DMRT1: variants seen among roughly 807,000 people sequenced by gnomAD.
The protein encoded by DMRT1 is doublesex and mab-3 related transcription factor 1, also known as doublesex- and mab-3-related transcription factor 1.
A neutral mutation model predicts 32.3 loss-of-function variants in DMRT1; 7 were observed. The ratio of observed to expected loss-of-function variants is 0.22; its 90% confidence interval spans 0.12 to 0.41. The LOEUF (loss-of-function observed/expected upper bound fraction) is 0.41, where lower values mean the gene tolerates loss of function less well. Among genes scored for constraint, DMRT1 ranks in the 10% least tolerant of loss-of-function variants. DMRT1 has a pLI of 1.00. For missense variants in DMRT1, 625 were observed against 500.5 expected (o/e 1.25, Z -2.37); for synonymous variants, 278 against 206.1 (o/e 1.35, Z -2.99).
At chr9:851,999 G>A (rs750582756) in intron 2 of DMRT1, among the ~76,000 whole-genome samples, 26 of 150,794 alleles carry the variant, frequency 1.7e-4, no homozygotes, top group Non-Finnish European at 3.1e-4. Flanking sequence ...GAGTGCTGTG[G>A]CGCGATCCCA....
chr9:918,479 A>T (rs1818253350), intron 4 of DMRT1, among the ~76,000 whole-genome samples: 1 of 151,050 alleles, frequency 6.6e-6, no homozygotes, highest in African/African-American at 2.4e-5. Context: ...ATTTGAATTT[A>T]TGGCAGAAAA....
chr9:846,180 C>CTA (rs60377656), intron 1 of DMRT1, among the ~76,000 whole-genome samples: 2,963 of 151,932 alleles, frequency 0.02, 82 homozygotes, highest in African/African-American at 0.066. Flanking sequence ...TACAGGTGGG[C>CTA]TAACATGCCT....
chr9:948,394 C>T (rs1292165970), intron 4 of DMRT1, among the ~76,000 whole-genome samples: 2 of 152,084 alleles, frequency 1.3e-5, no homozygotes, highest in Non-Finnish European at 2.9e-5. Context: ...CTGGGAAAAA[C>T]GAGATTTCTT....
chr9:902,378 C>T (rs118130430), intron 3 of DMRT1, among the ~76,000 whole-genome samples: 211 of 151,836 alleles, frequency 1.4e-3, no homozygotes, highest in Non-Finnish European at 2.3e-3. Context: ...CTCAGTGTGT[C>T]CTTGTGACAA....
chr9:926,592 T>C (rs1257181139), intron 4 of DMRT1, among the ~76,000 whole-genome samples: 1 of 152,156 alleles, frequency 6.6e-6, no homozygotes, highest in African/African-American at 2.4e-5. Flanking sequence ...TTTACGACTT[T>C]AATTTATTCT....
At chr9:947,958 G>A (rs1463571207) in intron 4 of DMRT1, among the ~76,000 whole-genome samples, 3 of 152,224 alleles carry the variant, frequency 2.0e-5, no homozygotes, top group Non-Finnish European at 4.4e-5. Flanking sequence ...TCTGTTAGAT[G>A]TTCCAGGAGC....
intron 3 of DMRT1, among the ~76,000 whole-genome samples, chr9:896,817 GA>G (rs962544549): frequency 1.3e-5 from 2 of 151,438 alleles, no homozygotes; most frequent in Admixed American, 6.6e-5. Context: ...TGTCTCAAAA[GA>G]AAAAAAGAAT....
intron 2 of DMRT1, among the ~76,000 whole-genome samples, chr9:880,869 T>C (rs1816708741): frequency 6.6e-6 from 1 of 152,260 alleles, no homozygotes; most frequent in East Asian, 1.9e-4. Context: ...ATTACATCTT[T>C]ATGTTATTGC....
At chr9:905,515 G>GTGTGTGT in intron 3 of DMRT1, among the ~76,000 whole-genome samples, 1 of 55,298 alleles carries the variant, frequency 1.8e-5, no homozygotes, top group Non-Finnish European at 4.0e-5. Flanking sequence ...TGTGTGTGTG[G>GTGTGTGT]CACTGCAGGA....
chr9:863,875 C>T (rs891824362), intron 2 of DMRT1, among the ~76,000 whole-genome samples: 2 of 152,100 alleles, frequency 1.3e-5, no homozygotes, highest in African/African-American at 4.8e-5. Flanking sequence ...TGTCCTTTGC[C>T]CATTTCTCTA....
Position 894,108 on chromosome 9 carries a change from A to G in DMRT1, c.735A>G (p.Gly245=), listed in dbSNP as rs760200268. The change falls in exon 3 of 5, where the codon GGA becomes GGG. Residue 245 remains glycine, a synonymous_variant. Transcript: ENST00000382276. ...CTGATTCTGCTTCTGGGGAGGTGGG[A>G]AATCCCCTCGGGGGATCCCCTGTGA... is the stretch of plus-strand genomic sequence containing the variant. ...LAADSASGEV[G]NPLGGSPVKN... is the part of the protein sequence containing the mutation. 1.2e-6 allele frequency: 2 copies of G among 1,614,232 alleles called. No homozygotes were observed. The highest frequency in any genetic ancestry group is 1.7e-5 in the Admixed American group (1 of 60,024).
intron 3 of DMRT1, among the ~76,000 whole-genome samples, chr9:899,159 A>G: frequency 6.6e-6 from 1 of 152,098 alleles, no homozygotes. Context: ...AAAGATTCAA[A>G]TCTTTCTTCA....
At chr9:853,169 A>G (rs1015602254) in intron 2 of DMRT1, among the ~76,000 whole-genome samples, 2 of 152,128 alleles carry the variant, frequency 1.3e-5, no homozygotes, top group East Asian at 3.9e-4. Flanking sequence ...GCCCCAACAC[A>G]TGCAGAGCCT....
intron 4 of DMRT1, among the ~76,000 whole-genome samples, chr9:961,660 A>G (rs986294909): frequency 1.2e-4 from 18 of 152,206 alleles, no homozygotes; most frequent in African/African-American, 4.3e-4. Flanking sequence ...TGTGACCTTC[A>G]GGCTATTACA....
At chr9:894,368 G>A in intron 3 of DMRT1, 173 bp downstream of exon 3, 3 of 692,768 alleles carry the variant, frequency 4.3e-6, no homozygotes, top group Non-Finnish European at 7.7e-6. Flanking sequence ...ACACATGTAG[G>A]CACAATATGC....
chr9:940,555 T>C (rs186458442), intron 4 of DMRT1, among the ~76,000 whole-genome samples: 3 of 152,076 alleles, frequency 2.0e-5, no homozygotes, highest in Non-Finnish European at 2.9e-5. Flanking sequence ...TAACTCAAAA[T>C]GGATCAAAGA....
intron 3 of DMRT1, chr9:894,791 G>GTTTTTTTTTTTTT (rs1231759673): frequency 1.4e-5 from 2 of 147,956 alleles, no homozygotes; most frequent in African/African-American, 2.6e-5. Flanking sequence ...CTCCAAGTTT[G>GTTTTTTTTTTTTT]TTTTTTTTTT....
chr9:919,075 A>G (rs528638366), intron 4 of DMRT1, among the ~76,000 whole-genome samples: 3 of 152,300 alleles, frequency 2.0e-5, no homozygotes, highest in African/African-American at 7.2e-5. Flanking sequence ...GGACATCAGT[A>G]TATTCATTTG....
Position 902,041 on chromosome 9 carries a change from C to T in DMRT1, c.822+7846C>T, listed in dbSNP as rs190721006. ...TCTCCTGCCTCAGCGTCCTGAGTAG[C>T]TGGGATTACAGGCGTGCACCACCAC... On this transcript the variant is annotated intron_variant, in intron 3 of 4. Transcript: ENST00000382276. Among the ~76,000 whole-genome samples the T allele has an allele frequency of 5.1e-3, 759 of 149,722 alleles. 8 individuals carry two copies. The highest frequency in any genetic ancestry group is 0.016 in the African/African-American group (629 of 39,834).
Sources: allele counts gnomAD v4.1 joint callset (sites outside exome capture counted in the v4.1 genomes callset), GRCh38; gene constraint gnomAD v4.1.1; transcripts MANE v1.5; gene names NCBI Gene and HGNC (gene_info 2026-07-23, HGNC 2026-07-21).